ARB2A: variants seen among roughly 807,000 people sequenced by gnomAD.
ARB2A encodes the protein cotranscriptional regulator ARB2A.
chr5:93,880,117 C>A, the ARB2A span, among the ~76,000 whole-genome samples: 1 of 151,726 alleles, frequency 6.6e-6, no homozygotes, highest in Non-Finnish European at 1.5e-5. Flanking sequence ...AATAAGCGTT[C>A]TTGCTTTTCA....
chr5:94,060,108 C>T, the ARB2A span, among the ~76,000 whole-genome samples: 1 of 152,096 alleles, frequency 6.6e-6, no homozygotes, highest in Non-Finnish European at 1.5e-5. Flanking sequence ...GCCTGTAATC[C>T]CAGCACTTTG....
the ARB2A span, among the ~76,000 whole-genome samples, chr5:93,795,244 G>C: frequency 6.6e-6 from 1 of 151,916 alleles, no homozygotes; most frequent in African/African-American, 2.4e-5. Flanking sequence ...AAAGCTGGCA[G>C]TCACAGGCCT....
At chr5:94,018,860 C>A in the ARB2A span, among the ~76,000 whole-genome samples, 1 of 151,994 alleles carries the variant, frequency 6.6e-6, no homozygotes, top group East Asian at 1.9e-4. Context: ...CCAAGACAAT[C>A]CTAAGCAAAA....
At chr5:94,002,420 C>A in the ARB2A span, among the ~76,000 whole-genome samples, 1 of 151,944 alleles carries the variant, frequency 6.6e-6, no homozygotes, top group Non-Finnish European at 1.5e-5. Flanking sequence ...TGCACTGAGT[C>A]TCTCCTAAAG....
the ARB2A span, chr5:93,734,588 C>G: frequency 6.6e-6 from 1 of 152,076 alleles, no homozygotes; most frequent in Non-Finnish European, 1.5e-5. Flanking sequence ...ACAAGATAAC[C>G]AAAATGTTTG....
the ARB2A span, among the ~76,000 whole-genome samples, chr5:94,012,663 C>A: frequency 1.3e-5 from 2 of 150,228 alleles, no homozygotes; most frequent in African/African-American, 2.4e-5. Flanking sequence ...CAGCCAAAGC[C>A]AGTCTAACCT....
chr5:93,639,713 G>C, the ARB2A span, among the ~76,000 whole-genome samples: 2 of 152,148 alleles, frequency 1.3e-5, no homozygotes, highest in African/African-American at 2.4e-5. Flanking sequence ...AGGATAGAGA[G>C]AATTTATGTA....
chr5:94,083,961 T>C, the ARB2A span, among the ~76,000 whole-genome samples: 2 of 152,134 alleles, frequency 1.3e-5, no homozygotes, highest in Non-Finnish European at 2.9e-5. Context: ...AGCACAGTTT[T>C]TTAATACATC....
chr5:93,776,284 AGCC>A, the ARB2A span: 1 of 1,526,212 alleles, frequency 6.6e-7, no homozygotes, highest in Non-Finnish European at 8.9e-7. Flanking sequence ...ATACAATTTA[AGCC>A]AAGATGGAAT....
At chr5:93,901,377 G>A in the ARB2A span, among the ~76,000 whole-genome samples, 4 of 152,142 alleles carry the variant, frequency 2.6e-5, no homozygotes, top group Admixed American at 2.6e-4. Context: ...GAGTGCACAG[G>A]TAGACAGCAA....
chr5:93,635,955 A>G, the ARB2A span, among the ~76,000 whole-genome samples: 1 of 152,218 alleles, frequency 6.6e-6, no homozygotes, highest in African/African-American at 2.4e-5. Context: ...ATTTATGCTT[A>G]CAAGTGTTAT....
chr5:93,625,104 C>T, the ARB2A span, among the ~76,000 whole-genome samples: 1 of 152,186 alleles, frequency 6.6e-6, no homozygotes, highest in Admixed American at 6.5e-5. Context: ...CTGTCAAATT[C>T]ATGATGATTC....
chr5:94,063,123 C>T, the ARB2A span, among the ~76,000 whole-genome samples: 1 of 152,090 alleles, frequency 6.6e-6, no homozygotes, highest in South Asian at 2.1e-4. Flanking sequence ...AACCCCACCC[C>T]CGCCTACCAG....
chr5:94,019,284 T>C, the ARB2A span, among the ~76,000 whole-genome samples: 3 of 152,070 alleles, frequency 2.0e-5, no homozygotes, highest in Admixed American at 6.5e-5. Flanking sequence ...CCAAAAGCAA[T>C]GGCAACAAAA....
At chr5:93,938,935 T>C in the ARB2A span, among the ~76,000 whole-genome samples, 1 of 152,088 alleles carries the variant, frequency 6.6e-6, no homozygotes, top group Non-Finnish European at 1.5e-5. Context: ...CTGAAAAGTT[T>C]AATGAAAAGA....
the ARB2A span, chr5:93,805,539 A>G: frequency 2.0e-6 from 2 of 985,032 alleles, no homozygotes. Context: ...AGCAGTAATA[A>G]AACAGCAGGC....
At chr5:94,093,008 T>G in the ARB2A span, among the ~76,000 whole-genome samples, 1 of 152,204 alleles carries the variant, frequency 6.6e-6, no homozygotes, top group Non-Finnish European at 1.5e-5. Context: ...CTGTATTGCA[T>G]CTTCTTAAAA....
the ARB2A span, among the ~76,000 whole-genome samples, chr5:94,014,237 C>T: frequency 6.6e-6 from 1 of 152,142 alleles, no homozygotes; most frequent in Admixed American, 6.5e-5. Context: ...TGGGCACAAA[C>T]CATTAGCTAG....
the ARB2A span, among the ~76,000 whole-genome samples, chr5:93,905,082 T>A: frequency 6.6e-6 from 1 of 151,764 alleles, no homozygotes; most frequent in Admixed American, 6.6e-5. Context: ...TCCTACGAAT[T>A]GTCTCTGTCC....
Sources: gnomAD v4.1 joint callset for allele counts (sites outside exome capture counted in the v4.1 genomes callset) on GRCh38, gnomAD v4.1.1 for gene constraint, MANE v1.5 for transcripts, NCBI Gene and HGNC (gene_info 2026-07-23, HGNC 2026-07-21) for gene names.